Variants in IL15RA observed in about 807,000 individuals in gnomAD.
The protein encoded by IL15RA is interleukin-15 receptor subunit alpha.
A neutral mutation model predicts 24.2 loss-of-function variants in IL15RA; 26 were observed. The ratio of observed to expected loss-of-function variants is 1.07; its 90% confidence interval spans 0.79 to 1.49. The LOEUF is 1.49. IL15RA is among the 40% of genes most tolerant of loss of function. The pLI is 0.00. For synonymous variants in IL15RA, 166 were observed against 157.6 expected, an observed-to-expected ratio of 1.05 and a Z score of -0.40; for missense variants, 354 against 356.4, an observed-to-expected ratio of 0.99 and a Z score of 0.05.
chr10:5,966,285 C>G lies in IL15RA; in HGVS notation c.143G>C (p.Ser48Thr). 1 of 1,614,016 alleles carries G rather than the reference C, an allele frequency of 6.2e-7. No homozygotes were observed. Among genetic ancestry groups the G allele is most frequent in the South Asian group, 1.1e-5 (1 of 91,080 alleles). ...CCGCTCCCTGGAGTACAAGCTGTAG[C>G]TCTTGACCCAGATGTCTGCGTGTTC... ...SVEHADIWVKSYSLYSRERYI... is the reference protein window; with the variant it reads ...SVEHADIWVKTYSLYSRERYI... The change falls in exon 2 of 7, where the codon AGC becomes ACC. Residue 48 changes from serine (S) to threonine (T), a missense_variant. By Grantham distance (58) the Ser-to-Thr change is moderately conservative. Transcript: ENST00000379977. The surrounding 1 kb of genome is among the most constrained non-coding windows in gnomAD (Gnocchi z 6.4).
chr10:5,966,768 A>G lies in IL15RA; in HGVS notation c.89-429T>C, dbSNP rs1347330810. ...CGGCCAGCATCACCTTTAGAAATGC[A>G]TCTTTGAGCCTGGCCAACATGGTGA... On this transcript the variant is annotated intron_variant, in intron 1 of 6. Coordinates refer to ENST00000379977, the MANE Select transcript of IL15RA (RefSeq NM_002189.4). The surrounding 1 kb of genome is among the most constrained non-coding windows in gnomAD (Gnocchi z 6.4). Among the ~76,000 whole-genome samples the G allele has an allele frequency of 6.6e-6, 1 of 152,072 alleles. No individual in the cohort carries two copies. The highest frequency in any genetic ancestry group is 1.5e-5 in the Non-Finnish European group (1 of 68,016).
Position 5,961,659 on chromosome 10 carries a change from G to C in IL15RA, c.383-1092C>G, listed in dbSNP as rs148561550. On this transcript the variant is annotated intron_variant, in intron 3 of 6. Transcript: ENST00000379977. The surrounding 1 kb of genome is among the most constrained non-coding windows in gnomAD (Gnocchi z 5.2). ...GAACAGAGGCTGCCTTGTGTTCAGC[G>C]TCTTCCCTGTCTTCCTTGTCCTTCC... Among the ~76,000 whole-genome samples, 1 of 152,240 alleles carries C rather than the reference G, an allele frequency of 6.6e-6. No individual in the cohort carries two copies. The highest frequency in any genetic ancestry group is 1.5e-5 in the Non-Finnish European group (1 of 68,052).
At position 5,966,761 on chromosome 10, in the gene IL15RA, G is replaced by T. The variant is rs2132535180; in HGVS notation, c.89-422C>A. Among the ~76,000 whole-genome samples the T allele has an allele frequency of 6.6e-6, 1 of 152,184 alleles. No individual in the cohort carries two copies. The highest frequency in any genetic ancestry group is 3.4e-3 in the Middle Eastern group (1 of 294). On this transcript the variant is annotated intron_variant, in intron 1 of 6. Coordinates refer to ENST00000379977, the MANE Select transcript of IL15RA (RefSeq NM_002189.4). This position sits in a 1 kb window ranked among gnomAD's most constrained non-coding sequence, Gnocchi z 6.4. Reference sequence around the variant, plus strand: ...GTCTCTGCGGCCAGCATCACCTTTAGAAATGCATCTTTGAGCCTGGCCAAC... The same window carrying T: ...GTCTCTGCGGCCAGCATCACCTTTATAAATGCATCTTTGAGCCTGGCCAAC...
rs1204173106 is a variant in IL15RA at position 5,966,254 on chromosome 10, A to G, written c.174T>C (p.Ile58=). The G allele has an allele frequency of 3.1e-6, 5 of 1,613,866 alleles. No homozygotes were observed. Among genetic ancestry groups the G allele is most frequent in the Non-Finnish European group, 4.2e-6 (5 of 1,179,912 alleles). ...CTTTACGCTTGAAACCAGAGTTACA[A>G]ATGTACCGCTCCCTGGAGTACAAGC... is the stretch of plus-strand genomic sequence containing the variant. ...SYSLYSRERY[I]CNSGFKRKAG... is the part of the protein sequence containing the mutation. Residue 58 remains isoleucine, a synonymous_variant, in exon 2 of 7, where the codon ATT becomes ATC. Coordinates refer to ENST00000379977, the MANE Select transcript of IL15RA (RefSeq NM_002189.4). This position sits in a 1 kb window ranked among gnomAD's most constrained non-coding sequence, Gnocchi z 6.4.
In IL15RA at chr10:5,973,498, C is replaced by T. The variant is rs948282612; in HGVS notation, c.88+3907G>A. 9.2e-5 allele frequency among the ~76,000 whole-genome samples: 14 copies of T among 152,084 alleles called. No homozygotes were observed. The highest frequency in any genetic ancestry group is 7.4e-5 in the Non-Finnish European group (5 of 68,020). Reference sequence around the variant, plus strand: ...TTGTGTAGTGGTGTTTTGTATACTGCAACCAACTTAGACACATATGGCTGA... The same window carrying T: ...TTGTGTAGTGGTGTTTTGTATACTGTAACCAACTTAGACACATATGGCTGA... On this transcript the variant is annotated intron_variant, in intron 1 of 6. Transcript: ENST00000379977. This position sits in a 1 kb window ranked among gnomAD's most constrained non-coding sequence, Gnocchi z 4.5.
chr10:5,959,641 A>G lies in IL15RA; in HGVS notation c.616+113T>C. The G allele has an allele frequency of 1.2e-6, 1 of 851,848 alleles. No homozygotes were observed. The highest frequency in any genetic ancestry group is 1.4e-5 in the South Asian group (1 of 73,482). 52.8% of individuals were successfully genotyped at this position (851,848 alleles called of 1,614,324 possible). A position where few individuals can be genotyped will look rare whatever the true frequency, so the allele number is the denominator to read the frequency against. Reference sequence around the variant, plus strand: ...CTGATGGAGGCCTTCTGAGTGTGGAAGGGGCTGCTGTCAGGGCTGTGCTGG... The same window carrying G: ...CTGATGGAGGCCTTCTGAGTGTGGAGGGGGCTGCTGTCAGGGCTGTGCTGG... On this transcript the variant is annotated intron_variant, in intron 5 of 6. Transcript: ENST00000379977. The surrounding 1 kb of genome is among the most constrained non-coding windows in gnomAD (Gnocchi z 4.1).
At position 5,967,747 on chromosome 10, in the gene IL15RA, T is replaced by C. The variant is rs1417090583; in HGVS notation, c.89-1408A>G. 6.6e-6 allele frequency among the ~76,000 whole-genome samples: 1 copy of C among 152,144 alleles called. No homozygotes were observed. The highest frequency in any genetic ancestry group is 1.5e-5 in the Non-Finnish European group (1 of 68,026). ...GTACATGCCCCTGGAAAAGTGCAAG[T>C]GTGGCCGGAAGTAAATTCGATAAAG... On this transcript the variant is annotated intron_variant, in intron 1 of 6. Coordinates refer to ENST00000379977, the MANE Select transcript of IL15RA (RefSeq NM_002189.4). The surrounding 1 kb of genome is among the most constrained non-coding windows in gnomAD (Gnocchi z 4.4).
rs1387193884 is a variant in IL15RA at position 5,955,572 on chromosome 10, G to A, written c.692+807C>T. Among the ~76,000 whole-genome samples the A allele has an allele frequency of 2.6e-5, 4 of 152,026 alleles. No homozygotes were observed. The highest frequency in any genetic ancestry group is 4.4e-5 in the Non-Finnish European group (3 of 67,996). On this transcript the variant is annotated intron_variant, in intron 6 of 6. Transcript: ENST00000379977. This position sits in a 1 kb window ranked among gnomAD's most constrained non-coding sequence, Gnocchi z 5.3. ...AATGAAGGCTAGAATGCCATTTGAGGCTTTAATCAAAGAATAATAATACTG... is the reference window on the plus strand; with the variant it reads ...AATGAAGGCTAGAATGCCATTTGAGACTTTAATCAAAGAATAATAATACTG...
At position 5,973,274 on chromosome 10, in the gene IL15RA, G is replaced by A. The variant is rs888107550; in HGVS notation, c.88+4131C>T. ...TTGATTTGTCCAACCCATGAACATG[G>A]TATATCTCTCCATTGATTTTGTTCC... On this transcript the variant is annotated intron_variant, in intron 1 of 6. Transcript: ENST00000379977. This position sits in a 1 kb window ranked among gnomAD's most constrained non-coding sequence, Gnocchi z 4.5. Among the ~76,000 whole-genome samples, 20 of 152,172 alleles carry A rather than the reference G, an allele frequency of 1.3e-4. No homozygotes were observed. The highest frequency in any genetic ancestry group is 2.2e-4 in the Non-Finnish European group (15 of 68,036).
Position 5,975,560 on chromosome 10 carries a change from G to A in IL15RA, c.88+1845C>T, listed in dbSNP as rs41294201. 6.0e-5 allele frequency among the ~76,000 whole-genome samples: 9 copies of A among 150,608 alleles called. No individual in the cohort carries two copies. Among genetic ancestry groups the A allele is most frequent in the East Asian group, 5.8e-4 (3 of 5,170 alleles). Reference sequence around the variant, plus strand: ...ACTTCAATATATGCAGTTTATTGTCGGTCAATTATACCTCAATAAGGCTGT... The same window carrying A: ...ACTTCAATATATGCAGTTTATTGTCAGTCAATTATACCTCAATAAGGCTGT... On this transcript the variant is annotated intron_variant, in intron 1 of 6. Coordinates refer to ENST00000379977, the MANE Select transcript of IL15RA (RefSeq NM_002189.4). This position sits in a 1 kb window ranked among gnomAD's most constrained non-coding sequence, Gnocchi z 4.8.
chr10:5,977,465 G>C lies in IL15RA; in HGVS notation c.28C>G (p.Arg10Gly). Residue 10 changes from arginine (R) to glycine (G), a missense_variant, in exon 1 of 7, where the codon CGG becomes GGG. By Grantham distance (125) the Arg-to-Gly change is moderately radical. Coordinates refer to ENST00000379977, the MANE Select transcript of IL15RA (RefSeq NM_002189.4). ...AGCAGCGCCGGGAGACCGAGGGTCC[G>C]GCAGCCGCGCGCCCGCCGCGGGGCC... MAPRRARGC[R>G]TLGLPALLLL... 7.4e-7 allele frequency: 1 copy of C among 1,359,602 alleles called. No homozygotes were observed. Among genetic ancestry groups the C allele is most frequent in the Non-Finnish European group, 9.5e-7 (1 of 1,058,110 alleles). 84.2% of individuals were successfully genotyped at this position (1,359,602 alleles called of 1,614,324 possible).
Position 5,968,819 on chromosome 10 carries a change from GT to G in IL15RA, c.89-2481del, listed in dbSNP as rs1469096310. 1.3e-6 allele frequency: 1 copy of G among 775,996 alleles called. No homozygotes were observed. Among genetic ancestry groups the G allele is most frequent in the Admixed American group, 2.0e-5 (1 of 50,088 alleles). 48.1% of individuals were successfully genotyped at this position (775,996 alleles called of 1,614,324 possible). ...TCCGATGGTGGTGGCACTGGGGGCA[GT>G]TTTCCATTGTCCTGAGTCTCACGCA... On this transcript the variant is annotated intron_variant, in intron 1 of 6. Coordinates refer to ENST00000379977, the MANE Select transcript of IL15RA (RefSeq NM_002189.4). This position sits in a 1 kb window ranked among gnomAD's most constrained non-coding sequence, Gnocchi z 5.4.
rs751486697 is a variant in IL15RA, at chr10:5,966,124, G to A, written c.283+21C>T. 5.8e-6 allele frequency: 9 copies of A among 1,562,072 alleles called. No homozygotes were observed. In the South Asian group the frequency reaches 7.8e-5, roughly 14 times the overall value. ...GGCAGGGTGGGGGAGGGAGGAAGGT[G>A]GGGTGGCAAGGGCTACTCACTAATG... On this transcript the variant is annotated intron_variant, in intron 2 of 6. Transcript: ENST00000379977. The surrounding 1 kb of genome is among the most constrained non-coding windows in gnomAD (Gnocchi z 6.4).
rs1271563861 is a variant in IL15RA, at chr10:5,953,151, T to C, written c.748A>G (p.Thr250Ala). Residue 250 changes from threonine to alanine, a missense_variant, in exon 7 of 7, where the codon ACT becomes GCT. Coordinates refer to ENST00000379977, the MANE Select transcript of IL15RA (RefSeq NM_002189.4). This position sits in a 1 kb window ranked among gnomAD's most constrained non-coding sequence, Gnocchi z 5.3. The stretch of plus-strand genomic sequence containing the variant: ...TCATCTCTGCTGCTGGTCCCCCAAG[T>C]CACCGGCAGAGCCTCCATGGCTTCC... ...EMEAMEALPVTWGTSSRDEDL... is the reference protein window; with the variant it reads ...EMEAMEALPVAWGTSSRDEDL... 2 of 1,614,116 alleles carry C rather than the reference T, an allele frequency of 1.2e-6. No individual in the cohort carries two copies. Among genetic ancestry groups the C allele is most frequent in the African/African-American group, 2.7e-5 (2 of 74,942 alleles).
chr10:5,963,611 A>G lies in IL15RA; in HGVS notation c.382+132T>C, dbSNP rs1564502131. On this transcript the variant is annotated intron_variant, in intron 3 of 6. Coordinates refer to ENST00000379977, the MANE Select transcript of IL15RA (RefSeq NM_002189.4). The surrounding 1 kb of genome is among the most constrained non-coding windows in gnomAD (Gnocchi z 5.3). ...GTTGGACGTTCTTATTCTTGATTGAATAAGACGTTTGCGCTATTGCCTAAG... is the reference window on the plus strand; with the variant it reads ...GTTGGACGTTCTTATTCTTGATTGAGTAAGACGTTTGCGCTATTGCCTAAG... 2.0e-6 allele frequency: 1 copy of G among 507,588 alleles called. No individual in the cohort carries two copies. The highest frequency in any genetic ancestry group is 4.0e-5 in the South Asian group (1 of 25,106). 31.4% of individuals were successfully genotyped at this position (507,588 alleles called of 1,614,324 possible). A position where few individuals can be genotyped will look rare whatever the true frequency, so the allele number is the denominator to read the frequency against.
chr10:5,972,651 A>G (rs1564519604), intron 1 of IL15RA, among the ~76,000 whole-genome samples: 1 of 152,240 alleles, frequency 6.6e-6, no homozygotes, highest in African/African-American at 2.4e-5. Context: ...ACATGCCCAC[A>G]TATGACCAAC....
In IL15RA at chr10:5,960,256, G is replaced by A. The variant is rs1399891475; in HGVS notation, c.583+111C>T. On this transcript the variant is annotated intron_variant, in intron 4 of 6. Transcript: ENST00000379977. The surrounding 1 kb of genome is among the most constrained non-coding windows in gnomAD (Gnocchi z 5.1). ...GGCCGGGGCCAGCAGGCTGCCCAGT[G>A]AATCCTGACTTTGGATTGATGGTAT... The A allele has an allele frequency of 7.8e-6, 8 of 1,031,060 alleles. No homozygotes were observed. The highest frequency in any genetic ancestry group is 7.0e-5 in the South Asian group (5 of 71,708). The allele number at this position is 1,031,060 out of a possible 1,614,324, so 63.9% of individuals were successfully genotyped here.
rs559183000 is a variant in IL15RA, at chr10:5,959,174, T to C, written c.616+580A>G. ...ACTTTTTTTCTTTTTCTTTTTCTTT[T>C]TTTTTTTTTTTAATAGAGATGGGGT... On this transcript the variant is annotated intron_variant, in intron 5 of 6. Coordinates refer to ENST00000379977, the MANE Select transcript of IL15RA (RefSeq NM_002189.4). The surrounding 1 kb of genome is among the most constrained non-coding windows in gnomAD (Gnocchi z 4.1). 1.0e-3 allele frequency among the ~76,000 whole-genome samples: 151 copies of C among 150,714 alleles called. No homozygotes were observed. Among genetic ancestry groups the C allele is most frequent in the Non-Finnish European group, 1.9e-3 (125 of 67,548 alleles).
At chr10:5,969,070 C>T in intron 1 of IL15RA, 8 of 1,118,432 alleles carry the variant, frequency 7.2e-6, no homozygotes, top group Non-Finnish European at 1.0e-5. Context: ...TTCCATCGAT[C>T]TATGTGTCTG....
Sources: allele counts gnomAD v4.1 joint callset (sites outside exome capture counted in the v4.1 genomes callset), GRCh38; gene constraint gnomAD v4.1.1; non-coding constraint Gnocchi (gnomAD v3.1); transcripts MANE v1.5; gene names NCBI Gene and HGNC (gene_info 2026-07-23, HGNC 2026-07-21).